Variants in DOCK2 observed in about 807,000 individuals in gnomAD.
DOCK2 encodes dedicator of cytokinesis 2.
A neutral mutation model predicts 248.9 loss-of-function variants in DOCK2; 87 were observed. The observed-to-expected ratio is 0.35, with a 90% confidence interval of 0.29 to 0.42. DOCK2 has a LOEUF of 0.42. DOCK2 is among the 10% of genes least tolerant of loss of function. DOCK2 has a pLI of 1.00. For synonymous variants in DOCK2, 805 were observed against 821.6 expected (o/e 0.98, Z 0.35); for missense variants, 1,747 against 2,300.2 (o/e 0.76, Z 4.92).
intron 27 of DOCK2, among the ~76,000 whole-genome samples, chr5:169,857,024 CT>C (rs1334013754): frequency 2.6e-5 from 4 of 152,174 alleles, no homozygotes; most frequent in Non-Finnish European, 4.4e-5. Context: ...CTCTTATTTG[CT>C]TCCAAGCAAA....
chr5:169,855,771 T>A (rs1770856453), intron 27 of DOCK2, among the ~76,000 whole-genome samples: 1 of 152,152 alleles, frequency 6.6e-6, no homozygotes. Flanking sequence ...CTCTTGGAGT[T>A]TAACGTATGG....
chr5:169,695,624 A>G (rs1214981028), intron 9 of DOCK2, among the ~76,000 whole-genome samples, 179 bp from the exon 10 acceptor site: 2 of 152,192 alleles, frequency 1.3e-5, no homozygotes, highest in Admixed American at 6.5e-5. Flanking sequence ...TACCTTGCTT[A>G]TCTGTGAAAT....
intron 46 of DOCK2, among the ~76,000 whole-genome samples, chr5:170,069,846 ACT>A (rs1312153694): frequency 6.7e-6 from 1 of 150,268 alleles, no homozygotes; most frequent in African/African-American, 2.5e-5. Flanking sequence ...CTTCCTGTGG[ACT>A]CTGTCTTTCC....
intron 29 of DOCK2, among the ~76,000 whole-genome samples, chr5:169,988,176 A>C (rs984552532): frequency 8.5e-5 from 13 of 152,204 alleles, no homozygotes; most frequent in Non-Finnish European, 1.6e-4. Context: ...CTTAGTTCGA[A>C]GATTTCCTGC....
At chr5:170,073,750 C>T (rs951228690) in intron 46 of DOCK2, among the ~76,000 whole-genome samples, 2 of 151,978 alleles carry the variant, frequency 1.3e-5, no homozygotes, top group Non-Finnish European at 2.9e-5. Flanking sequence ...TTTTGTAATA[C>T]ACTCATCTTA....
At chr5:169,821,617 T>G (rs34043878) in intron 26 of DOCK2, among the ~76,000 whole-genome samples, 26,721 of 152,014 alleles carry the variant, frequency 0.18, 2,641 homozygotes, top group Admixed American at 0.24. Context: ...GCTCCTGAAG[T>G]AAGCACTAAA....
intron 27 of DOCK2, among the ~76,000 whole-genome samples, chr5:169,954,241 C>T (rs1051560166): frequency 1.3e-5 from 2 of 152,170 alleles, no homozygotes; most frequent in African/African-American, 4.8e-5. Context: ...CCTTAGCAAT[C>T]GCTGGACATT....
Position 170,067,562 on chromosome 5 carries a change from A to T in DOCK2, c.4520A>T (p.Glu1507Val). Residue 1507 changes from glutamate to valine, a missense_variant, in exon 45 of 52, where the codon GAG becomes GTG. Physicochemically the swap from Glu to Val is moderately radical, Grantham distance 121 (BLOSUM62 -2). This residue lies in a region of DOCK2 where 513 missense variants were observed against 586.1 expected (regional missense o/e 0.88). Coordinates refer to ENST00000520908, the MANE Select transcript of DOCK2 (RefSeq NM_004946.3). ...ATAGAAACCATGTCCACGGCCAATG[A>T]GAAGATCCTGATGATGATAAACCAG... ...NAIETMSTAN[E>V]KILMMINQYQ... 6.2e-7 allele frequency: 1 copy of T among 1,614,226 alleles called. No individual in the cohort carries two copies. The highest frequency in any genetic ancestry group is 2.2e-5 in the East Asian group (1 of 44,884).
chr5:169,877,061 TG>T (rs1157849413), intron 27 of DOCK2, among the ~76,000 whole-genome samples: 2 of 152,080 alleles, frequency 1.3e-5, no homozygotes, highest in Non-Finnish European at 2.9e-5. Context: ...GATTGGATTG[TG>T]AGGTTGTCCA....
intron 27 of DOCK2, among the ~76,000 whole-genome samples, chr5:169,856,083 C>G (rs1770874721): frequency 6.6e-6 from 1 of 152,104 alleles, no homozygotes; most frequent in East Asian, 1.9e-4. Flanking sequence ...ATGAGAACAG[C>G]CTGGGGAAAA....
intron 34 of DOCK2, among the ~76,000 whole-genome samples, chr5:170,029,727 T>G (rs939002532): frequency 6.6e-6 from 1 of 152,230 alleles, no homozygotes; most frequent in Non-Finnish European, 1.5e-5. Flanking sequence ...ATTCTCTGAT[T>G]TCTATAATTC....
intron 9 of DOCK2, 110 bp downstream of exon 9, chr5:169,689,443 G>A: frequency 8.9e-7 from 1 of 1,128,692 alleles, no homozygotes; most frequent in South Asian, 1.4e-5. Context: ...CTGCAGAGCT[G>A]TGTTGTGGGC....
chr5:169,802,226 A>G (rs753244608), intron 25 of DOCK2, among the ~76,000 whole-genome samples: 34 of 152,214 alleles, frequency 2.2e-4, no homozygotes, highest in Admixed American at 4.6e-4. Context: ...CAGTGGCACC[A>G]TCTCAGCTCA....
chr5:169,752,264 G>A (rs1307355159), intron 23 of DOCK2, among the ~76,000 whole-genome samples: 1 of 152,158 alleles, frequency 6.6e-6, no homozygotes, highest in African/African-American at 2.4e-5. Context: ...GGCACAAGTG[G>A]AATTAAATGA....
Position 169,758,001 on chromosome 5 carries a change from C to T in DOCK2, c.2377-1704C>T, listed in dbSNP as rs569866278. On this transcript the variant is annotated intron_variant, in intron 23 of 51. Coordinates refer to ENST00000520908, the MANE Select transcript of DOCK2 (RefSeq NM_004946.3). ...TAAAATGTATATGTCTATATGTTTT[C>T]ATGCACTAATTCTTCTTTGAACAAT... Among the ~76,000 whole-genome samples, 12 of 152,326 alleles carry T rather than the reference C, an allele frequency of 7.9e-5. No homozygotes were observed. The East Asian group carries it at 2.3e-3, about 29-fold the overall frequency.
At chr5:169,937,817 C>A (rs1776058715) in intron 27 of DOCK2, among the ~76,000 whole-genome samples, 1 of 152,206 alleles carries the variant, frequency 6.6e-6, no homozygotes, top group African/African-American at 2.4e-5. Flanking sequence ...AGGCATGGAT[C>A]ATTCTATTGG....
intron 8 of DOCK2, among the ~76,000 whole-genome samples, chr5:169,688,870 AG>A (rs1420501836): frequency 6.6e-6 from 1 of 152,216 alleles, no homozygotes; most frequent in Non-Finnish European, 1.5e-5. Flanking sequence ...CGGGCCGGAA[AG>A]GGTAAATATA....
rs1250540499 is a variant in DOCK2 at position 169,764,730 on chromosome 5, A to G, written c.2554+3105A>G. ...CAATAAGGGCATCCCTTAACGTTTG[A>G]TAGTTGCACACAACCCTCAACTACA... is the stretch of plus-strand genomic sequence containing the variant. On this transcript the variant is annotated intron_variant, in intron 25 of 51. Transcript: ENST00000520908. This position sits in a 1 kb window ranked among gnomAD's most constrained non-coding sequence, Gnocchi z 4.3. Among the ~76,000 whole-genome samples, 3 of 152,090 alleles carry G rather than the reference A, an allele frequency of 2.0e-5. No individual in the cohort carries two copies. In the East Asian group the frequency reaches 5.8e-4, roughly 29 times the overall value.
intron 27 of DOCK2, among the ~76,000 whole-genome samples, chr5:169,941,866 C>T (rs1776258403): frequency 6.6e-6 from 1 of 152,254 alleles, no homozygotes; most frequent in South Asian, 2.1e-4. Flanking sequence ...TTTTGGTTTG[C>T]GTTAACAGCA....
Sources: allele counts gnomAD v4.1 joint callset (sites outside exome capture counted in the v4.1 genomes callset), GRCh38; gene constraint gnomAD v4.1.1; regional missense constraint gnomAD v4.1.1; non-coding constraint Gnocchi (gnomAD v3.1); transcripts MANE v1.5; gene names NCBI Gene and HGNC (gene_info 2026-07-23, HGNC 2026-07-21).